FGR: variants seen among roughly 807,000 people sequenced by gnomAD.
FGR encodes the protein tyrosine-protein kinase Fgr.
Under a neutral mutation model 63.2 loss-of-function variants are expected in FGR, and 26 were observed. The ratio of observed to expected loss-of-function variants is 0.41; its 90% CI spans 0.30 to 0.57. The LOEUF is 0.57. FGR is among the 20% of genes least tolerant of loss of function. The pLI is 0.27. For synonymous variants in FGR, 286 were observed against 277.7 expected (o/e 1.03, Z -0.30); for missense variants, 511 against 690.8 (o/e 0.74, Z 2.92).
chr1:27,631,636 A>G (rs535906876), intron 1 of FGR, among the ~76,000 whole-genome samples: 5 of 152,326 alleles, frequency 3.3e-5, no homozygotes, highest in African/African-American at 1.2e-4. Flanking sequence ...CACTGAAAGC[A>G]TCAGACATAC....
Position 27,613,285 on chromosome 1 carries a change from A to C in FGR, c.1315T>G (p.Ser439Ala). Residue 439 changes from serine to alanine, a missense_variant, in exon 12 of 13, where the codon TCA (serine) becomes GCA (alanine). Physicochemically the swap from Ser to Ala is moderately conservative, Grantham distance 99. Coordinates refer to ENST00000374005, the MANE Select transcript of FGR (RefSeq NM_005248.3). ...AGGATCCCAAAGGACCACACGTCTG[A>C]CTTGATGGTGAATCTGCCAAAGAGG... The part of the protein sequence containing the change: ...AALFGRFTIK[S>A]DVWSFGILLT... 1 of 1,614,138 alleles carries C rather than the reference A, an allele frequency of 6.2e-7. No homozygotes were observed. The highest frequency in any genetic ancestry group is 8.5e-7 in the Non-Finnish European group (1 of 1,180,016).
At chr1:27,614,117 C>G (rs1213688747) in intron 11 of FGR, among the ~76,000 whole-genome samples, 2 of 152,200 alleles carry the variant, frequency 1.3e-5, no homozygotes, top group Non-Finnish European at 2.9e-5. Flanking sequence ...ACGCCATTGT[C>G]TTTCATTCAA....
Position 27,613,290 on chromosome 1 carries a change from A to C in FGR, c.1310T>G (p.Ile437Ser), listed in dbSNP as rs2089730955. The C allele has an allele frequency of 6.2e-7, 1 of 1,613,996 alleles. No homozygotes were observed. The highest frequency in any genetic ancestry group is 1.1e-5 in the South Asian group (1 of 91,084). The change falls in exon 12 of 13, where the codon ATC becomes AGC. Residue 437 changes from isoleucine to serine, a missense_variant. Transcript: ENST00000374005. The stretch of plus-strand genomic sequence containing the variant: ...CCCAAAGGACCACACGTCTGACTTG[A>C]TGGTGAATCTGCCAAAGAGGGCAGC... Reference protein sequence around the residue: ...PEAALFGRFTIKSDVWSFGIL... With the variant: ...PEAALFGRFTSKSDVWSFGIL...
In FGR at chr1:27,614,495, G is replaced by A. The variant is rs141214383; in HGVS notation, c.1184C>T (p.Ala395Val). Residue 395 changes from alanine to valine, a missense_variant, in exon 11 of 13, where the codon GCG becomes GTG. Physicochemically the swap from Ala to Val is moderately conservative, Grantham distance 64. Transcript: ENST00000374005. ...CAAGCCAAAGTCTGCGATCTTGCAC[G>A]CCAGCCGCTCCCCAACCAGGATGTT... ...AANILVGERL[A>V]CKIADFGLAR... The A allele has an allele frequency of 7.6e-5, 123 of 1,613,576 alleles. No homozygotes were observed. The African/African-American group carries it at 1.2e-3, about 16-fold the overall frequency.
At chr1:27,621,936 C>G (rs1272218511) in intron 4 of FGR, among the ~76,000 whole-genome samples, 1 of 152,132 alleles carries the variant, frequency 6.6e-6, no homozygotes, top group East Asian at 1.9e-4. Flanking sequence ...ATTCAGAGGA[C>G]AGCTGACTAG....
At position 27,615,344 on chromosome 1, in the gene FGR, C is replaced by G; in HGVS notation, c.1018+90G>C. 1 of 1,409,098 alleles carries G rather than the reference C, an allele frequency of 7.1e-7. No homozygotes were observed. Among genetic ancestry groups the G allele is most frequent in the Non-Finnish European group, 9.8e-7 (1 of 1,024,770 alleles). The allele number at this position is 1,409,098 out of a possible 1,614,324, so 87.3% of individuals were successfully genotyped here. On this transcript the variant is annotated intron_variant, in intron 9 of 12. Transcript: ENST00000374005. This position sits in a 1 kb window ranked among gnomAD's most constrained non-coding sequence, Gnocchi z 7.6. ...TGGGACTCTGCCCATTGTCCCTTGT[C>G]CCTCACAGATCGCGTCCCAGGTCCC...
chr1:27,623,380 C>T (rs2089964739), intron 3 of FGR: 1 of 597,638 alleles, frequency 1.7e-6, no homozygotes, highest in East Asian at 2.8e-5. Flanking sequence ...CACTCCTCCT[C>T]TTCCCCACCA....
chr1:27,613,076 G>A lies in FGR; in HGVS notation c.1428C>T (p.His476=), dbSNP rs757091101. 2 of 1,614,226 alleles carry A rather than the reference G, an allele frequency of 1.2e-6. No homozygotes were observed. Among genetic ancestry groups the A allele is most frequent in the Non-Finnish European group, 1.7e-6 (2 of 1,180,036 alleles). ...CTGGGCAGCCTGGAGGGCACGGCAT[G>A]TGGTAGCCCTGCTCCACCTGTTCCA... ...EVLEQVEQGY[H]MPCPPGCPAS... The change falls in exon 13 of 13, where the codon CAC becomes CAT. Residue 476 remains histidine (H), a synonymous_variant. Transcript: ENST00000374005.
Position 27,623,753 on chromosome 1 carries a change from T to G in FGR, c.164A>C (p.Asn55Thr). The G allele has an allele frequency of 6.2e-7, 1 of 1,614,128 alleles. No individual in the cohort carries two copies. Among genetic ancestry groups the G allele is most frequent in the Non-Finnish European group, 8.5e-7 (1 of 1,180,018 alleles). The change falls in exon 3 of 13, where the codon AAC becomes ACC. Residue 55 changes from asparagine to threonine, a missense_variant. By Grantham distance (65) the Asn-to-Thr change is moderately conservative. Transcript: ENST00000374005. ...SSFAHIPNYS[N>T]FSSQAINPGF... ...AGGGTTGATGGCCTGAGAGGAGAAGTTGCTGTAGTTGGGGATGTGGGCAAA... is the reference window on the plus strand; with the variant it reads ...AGGGTTGATGGCCTGAGAGGAGAAGGTGCTGTAGTTGGGGATGTGGGCAAA...
At chr1:27,621,698 C>G (rs1320782946) in intron 4 of FGR, 41 bp from the exon 5 acceptor site, 6 of 1,491,546 alleles carry the variant, frequency 4.0e-6, no homozygotes, top group Non-Finnish European at 5.6e-6. Flanking sequence ...GCACCTCCAG[C>G]CCCCAAGGCA....
Position 27,617,387 on chromosome 1 carries a change from T to A in FGR, c.429-91A>T. The A allele has an allele frequency of 1.1e-6, 1 of 883,538 alleles. No individual in the cohort carries two copies. The allele number at this position is 883,538 out of a possible 1,614,324, so 54.7% of individuals were successfully genotyped here. ...GTCACCTCACAAGCCAAGACTCCATTTTCCCCATGTGTAAAATGGGGCTGG... is the reference window on the plus strand; with the variant it reads ...GTCACCTCACAAGCCAAGACTCCATATTCCCCATGTGTAAAATGGGGCTGG... On this transcript the variant is annotated intron_variant, in intron 5 of 12. Transcript: ENST00000374005. This position sits in a 1 kb window ranked among gnomAD's most constrained non-coding sequence, Gnocchi z 4.5.
chr1:27,633,908 C>G (rs1032186102), intron 1 of FGR, among the ~76,000 whole-genome samples: 5 of 152,164 alleles, frequency 3.3e-5, no homozygotes, highest in Non-Finnish European at 7.4e-5. Context: ...ACACAAGGAT[C>G]ATTTCTCACC....
rs1370596658 is a variant in FGR at position 27,623,729 on chromosome 1, G to C, written c.188C>G (p.Pro63Arg). Residue 63 changes from proline to arginine, a missense_variant, in exon 3 of 13, where the codon CCT becomes CGT. Transcript: ENST00000374005. The part of the protein sequence containing the change: ...YSNFSSQAIN[P>R]GFLDSGTIRG... Reference sequence around the variant, plus strand: ...GATGGTGCCACTATCAAGGAAGCCAGGGTTGATGGCCTGAGAGGAGAAGTT... The same window carrying C: ...GATGGTGCCACTATCAAGGAAGCCACGGTTGATGGCCTGAGAGGAGAAGTT... 1 of 1,614,112 alleles carries C rather than the reference G, an allele frequency of 6.2e-7. No individual in the cohort carries two copies. Among genetic ancestry groups the C allele is most frequent in the Non-Finnish European group, 8.5e-7 (1 of 1,180,050 alleles).
At chr1:27,614,959 C>A (rs1304168697) in intron 9 of FGR, 33 bp from the exon 10 acceptor site, 3 of 1,554,226 alleles carry the variant, frequency 1.9e-6, no homozygotes, top group South Asian at 2.3e-5. Context: ...GCGGCAAAGC[C>A]CTACCCCGGG....
At position 27,614,893 on chromosome 1, in the gene FGR, C is replaced by T; in HGVS notation, c.1052G>A (p.Gly351Asp). The change falls in exon 10 of 13, where the codon GGC (glycine) becomes GAC (aspartate). Residue 351 changes from glycine (G) to aspartate (D), a missense_variant. By Grantham distance (94) the Gly-to-Asp change is moderately conservative. Coordinates refer to ENST00000374005, the MANE Select transcript of FGR (RefSeq NM_005248.3). ...CAATTGGGGCAGCCTCAAATCCTGG[C>T]CCTCTGGGTTCTTGAGAAAATCCAG... is the stretch of plus-strand genomic sequence containing the variant. ...SLLDFLKNPE[G>D]QDLRLPQLVD... 6.3e-7 allele frequency: 1 copy of T among 1,599,616 alleles called. No individual in the cohort carries two copies. The highest frequency in any genetic ancestry group is 2.3e-5 in the East Asian group (1 of 44,408).
At chr1:27,626,424 C>T in intron 1 of FGR, 1 of 381,594 alleles carries the variant, frequency 2.6e-6, no homozygotes, top group Non-Finnish European at 4.6e-6. Context: ...TTCCTCTTCT[C>T]TCTGGGTCCT....
chr1:27,624,849 T>C (rs1214268560), intron 2 of FGR, among the ~76,000 whole-genome samples: 1 of 152,102 alleles, frequency 6.6e-6, no homozygotes, highest in East Asian at 1.9e-4. Flanking sequence ...CATGTTTGTG[T>C]GTGAGTGTGT....
intron 1 of FGR, among the ~76,000 whole-genome samples, chr1:27,634,624 C>T (rs2090152657): frequency 6.6e-6 from 1 of 151,928 alleles, no homozygotes; most frequent in Non-Finnish European, 1.5e-5. Context: ...CTCCAGCACC[C>T]CCACCCATTT....
At chr1:27,622,875 A>G (rs943347781) in intron 4 of FGR, among the ~76,000 whole-genome samples, 167 bp downstream of exon 4, 2 of 151,696 alleles carry the variant, frequency 1.3e-5, no homozygotes, top group African/African-American at 4.9e-5. Flanking sequence ...GCCCAACACC[A>G]CCCCCCTCAA....
Sources: allele counts gnomAD v4.1 joint callset (sites outside exome capture counted in the v4.1 genomes callset), GRCh38; gene constraint gnomAD v4.1.1; non-coding constraint Gnocchi (gnomAD v3.1); transcripts MANE v1.5; gene names NCBI Gene and HGNC (gene_info 2026-07-23, HGNC 2026-07-21).